MSRA: variants seen among roughly 807,000 people sequenced by gnomAD.
The protein encoded by MSRA is methionine sulfoxide reductase A, also known as mitochondrial peptide methionine sulfoxide reductase.
In MSRA, 54 loss-of-function variants were observed where a neutral mutation model predicts 31.3. The ratio of observed to expected loss-of-function variants is 1.73; its 90% confidence interval spans 1.39 to 2.17. The LOEUF is 2.17. MSRA is among the 30% of genes most tolerant of loss of function. The pLI is 0.00. For synonymous variants in MSRA, 169 were observed against 116.5 expected (o/e 1.45, Z -2.90); for missense variants, 507 against 300.9 (o/e 1.69, Z -5.07).
rs563680312 is a variant in MSRA at position 10,291,985 on chromosome 8, G to C, written c.332-9549G>C. Among the ~76,000 whole-genome samples, 14 of 152,276 alleles carry C rather than the reference G, an allele frequency of 9.2e-5. No homozygotes were observed. The South Asian group carries it at 2.9e-3, about 32-fold the overall frequency. On this transcript the variant is annotated intron_variant, in intron 3 of 5. Coordinates refer to ENST00000317173, the MANE Select transcript of MSRA (RefSeq NM_012331.5). The stretch of plus-strand genomic sequence containing the variant: ...CGTGGAATCCTCAGTGCTCAGCACC[G>C]TGCATGGAGCTTAGCAGGCATTTGA...
At chr8:10,334,923 C>T (rs1359574616) in intron 5 of MSRA, among the ~76,000 whole-genome samples, 1 of 152,228 alleles carries the variant, frequency 6.6e-6, no homozygotes, top group African/African-American at 2.4e-5. Flanking sequence ...CGGGCCCCGC[C>T]GAGCCATCTT....
At chr8:10,230,193 C>G (rs748142902) in intron 2 of MSRA, among the ~76,000 whole-genome samples, 1 of 152,152 alleles carries the variant, frequency 6.6e-6, no homozygotes, top group Non-Finnish European at 1.5e-5. Flanking sequence ...TACAGGGAAG[C>G]CAGCAGGCAT....
At chr8:10,157,735 G>T (rs779559451) in intron 1 of MSRA, among the ~76,000 whole-genome samples, 12 of 151,942 alleles carry the variant, frequency 7.9e-5, no homozygotes, top group Non-Finnish European at 1.8e-4. Flanking sequence ...TTCACACATT[G>T]CAATTGCTGA....
chr8:10,212,059 C>T (rs1362905083), intron 2 of MSRA, among the ~76,000 whole-genome samples: 1 of 151,852 alleles, frequency 6.6e-6, no homozygotes, highest in Non-Finnish European at 1.5e-5. Context: ...TGGTGGCATG[C>T]ACCTCTAATC....
rs1809319159 is a variant in MSRA at position 10,428,260 on chromosome 8, A to G, written c.656A>G (p.Tyr219Cys). 6.2e-7 allele frequency: 1 copy of G among 1,614,178 alleles called. No individual in the cohort carries two copies. The highest frequency in any genetic ancestry group is 8.5e-7 in the Non-Finnish European group (1 of 1,180,028). Reference protein sequence around the residue: ...QQYLSKNPNGYCGLGGTGVSC... With the variant: ...QQYLSKNPNGCCGLGGTGVSC... ...TACCTGAGCAAGAACCCCAATGGCTACTGCGGCCTTGGGGGCACCGGCGTG... is the reference window on the plus strand; with the variant it reads ...TACCTGAGCAAGAACCCCAATGGCTGCTGCGGCCTTGGGGGCACCGGCGTG... Residue 219 changes from tyrosine to cysteine, a missense_variant, in exon 6 of 6, where the codon TAC becomes TGC. Tyr to Cys is a radical substitution (Grantham distance 194). Coordinates refer to ENST00000317173, the MANE Select transcript of MSRA (RefSeq NM_012331.5).
intron 1 of MSRA, among the ~76,000 whole-genome samples, chr8:10,090,416 G>A (rs1165850578): frequency 3.9e-5 from 6 of 152,156 alleles, no homozygotes; most frequent in South Asian, 4.1e-4. Flanking sequence ...GTGGATAAGA[G>A]TTTAGTTAAT....
chr8:10,399,607 G>C (rs1807316874), intron 5 of MSRA, among the ~76,000 whole-genome samples: 1 of 152,228 alleles, frequency 6.6e-6, no homozygotes, highest in East Asian at 1.9e-4. Flanking sequence ...ATAGCCAGCA[G>C]AACCACAAGC....
At chr8:10,304,114 T>G (rs935715149) in intron 4 of MSRA, among the ~76,000 whole-genome samples, 5 of 152,152 alleles carry the variant, frequency 3.3e-5, no homozygotes, top group African/African-American at 1.2e-4. Context: ...TTTTCATGTT[T>G]ATAATAGAGC....
chr8:10,054,553 C>G lies in MSRA; in HGVS notation c.37C>G (p.Leu13Val), dbSNP rs773723820. ...CACCCGGAGGGCTTGCCAGCTCCTC[C>G]TCCTCCACAGCCTCTTTCCCGTCCC... Reference protein sequence around the residue: ...SATRRACQLLLLHSLFPVPRM... With the variant: ...SATRRACQLLVLHSLFPVPRM... Residue 13 changes from leucine to valine, a missense_variant, in exon 1 of 6, where the codon CTC (leucine) becomes GTC (valine). Physicochemically the swap from Leu to Val is conservative, Grantham distance 32 (BLOSUM62 1). Coordinates refer to ENST00000317173, the MANE Select transcript of MSRA (RefSeq NM_012331.5). 3 of 1,587,454 alleles carry G rather than the reference C, an allele frequency of 1.9e-6. No homozygotes were observed. The South Asian group carries it at 3.4e-5, about 18-fold the overall frequency.
chr8:10,373,932 C>G (rs1051243299), intron 5 of MSRA, among the ~76,000 whole-genome samples: 4 of 152,146 alleles, frequency 2.6e-5, no homozygotes, highest in African/African-American at 9.7e-5. Flanking sequence ...TGGCCATGGG[C>G]TTTCGGAACC....
intron 1 of MSRA, among the ~76,000 whole-genome samples, chr8:10,066,011 CTT>C (rs1451580308): frequency 1.3e-5 from 2 of 149,026 alleles, no homozygotes; most frequent in Admixed American, 6.7e-5. Context: ...ATTAATATAA[CTT>C]AATATAATAA....
Position 10,054,436 on chromosome 8 carries a change from C to A in MSRA, c.-81C>A, listed in dbSNP as rs1287854032. ...GCCGCCCCCCGGTTCCGGCCGCGGA[C>A]CCCACTCTCTGCCGTTCCGGCTGCG... On this transcript the variant is annotated 5_prime_UTR_variant, in exon 1 of 6. Transcript: ENST00000317173. 3 of 1,379,350 alleles carry A rather than the reference C, an allele frequency of 2.2e-6. No homozygotes were observed. Among genetic ancestry groups the A allele is most frequent in the Middle Eastern group, 2.2e-4 (1 of 4,504 alleles). 85.4% of individuals were successfully genotyped at this position (1,379,350 alleles called of 1,614,324 possible).
chr8:10,322,273 A>T (rs190359727), intron 5 of MSRA, among the ~76,000 whole-genome samples: 186 of 152,198 alleles, frequency 1.2e-3, no homozygotes, highest in African/African-American at 4.2e-3. Context: ...AGAATAAATG[A>T]AATTAAAGAG....
intron 3 of MSRA, among the ~76,000 whole-genome samples, chr8:10,300,792 C>G (rs1038936258): frequency 4.6e-5 from 7 of 151,998 alleles, no homozygotes; most frequent in African/African-American, 1.7e-4. Context: ...TGCTCTAAGA[C>G]TATAAAAGAA....
chr8:10,297,547 G>A (rs1019506917), intron 3 of MSRA, among the ~76,000 whole-genome samples: 1 of 152,154 alleles, frequency 6.6e-6, no homozygotes, highest in Non-Finnish European at 1.5e-5. Flanking sequence ...TAGCACGTTG[G>A]CTGGTTCCTG....
chr8:10,275,114 C>T lies in MSRA; in HGVS notation c.332-26420C>T, dbSNP rs749087558. Among the ~76,000 whole-genome samples, 100 of 149,192 alleles carry T rather than the reference C, an allele frequency of 6.7e-4. 2 individuals carry two copies. Among genetic ancestry groups the T allele is most frequent in the Middle Eastern group, 3.5e-3 (1 of 288 alleles). On this transcript the variant is annotated intron_variant, in intron 3 of 5. Transcript: ENST00000317173. Reference sequence around the variant, plus strand: ...ATTCTTATTTGCTGCCTTTCATATTCCAGGTGTCCTTTTTTCTGAAAATTT... The same window carrying T: ...ATTCTTATTTGCTGCCTTTCATATTTCAGGTGTCCTTTTTTCTGAAAATTT...
chr8:10,289,146 G>C (rs1327486168), intron 3 of MSRA, among the ~76,000 whole-genome samples: 1 of 152,062 alleles, frequency 6.6e-6, no homozygotes, highest in Non-Finnish European at 1.5e-5. Context: ...CTCTGGAGTA[G>C]CTGGGTTTAC....
chr8:10,299,484 A>G (rs1360104668), intron 3 of MSRA, among the ~76,000 whole-genome samples: 2 of 152,142 alleles, frequency 1.3e-5, no homozygotes, highest in Non-Finnish European at 2.9e-5. Context: ...ATCTTTTAGC[A>G]TAAAATCTGT....
chr8:10,066,196 A>T (rs916560826), intron 1 of MSRA, among the ~76,000 whole-genome samples: 4 of 151,980 alleles, frequency 2.6e-5, no homozygotes, highest in Admixed American at 1.3e-4. Context: ...CATGTTGGCC[A>T]GGCTGGTCTT....
Sources: gnomAD v4.1 joint callset for allele counts (sites outside exome capture counted in the v4.1 genomes callset) on GRCh38, gnomAD v4.1.1 for gene constraint, MANE v1.5 for transcripts, NCBI Gene and HGNC (gene_info 2026-07-23, HGNC 2026-07-21) for gene names.